PCDHA11: variants seen among roughly 807,000 people sequenced by gnomAD.
PCDHA11 encodes protocadherin alpha 11.
A neutral mutation model predicts 70.3 loss-of-function variants in PCDHA11; 61 were observed. That is an observed-to-expected ratio of 0.87 (90% CI 0.71 to 1.07). The LOEUF (loss-of-function observed/expected upper bound fraction) is 1.07, where lower values mean the gene tolerates loss of function less well. PCDHA11 is among the 50% of genes least tolerant of loss of function. PCDHA11 has a pLI of 0.00. For missense variants in PCDHA11, 1,324 were observed against 1,237.5 expected, an observed-to-expected ratio of 1.07 and a Z score of -1.05; for synonymous variants, 633 against 555.1, an observed-to-expected ratio of 1.14 and a Z score of -1.97.
chr5:140,969,201 G>A (rs2096306183), intron 1 of PCDHA11: 2 of 1,614,110 alleles, frequency 1.2e-6, no homozygotes, highest in Non-Finnish European at 1.7e-6. Context: ...TACAATACAG[G>A]GGCCCAGACA....
intron 1 of PCDHA11, among the ~76,000 whole-genome samples, chr5:140,972,883 C>T (rs1020544230): frequency 1.1e-4 from 16 of 151,884 alleles, no homozygotes; most frequent in African/African-American, 1.7e-4. Context: ...AGGATGGTCT[C>T]GATCTCTTGA....
chr5:140,952,081 A>G (rs1554220214), intron 1 of PCDHA11, among the ~76,000 whole-genome samples: 3 of 152,064 alleles, frequency 2.0e-5, no homozygotes. Flanking sequence ...CATTGACTCC[A>G]TGTCTCACAT....
chr5:140,882,070 CA>C, intron 1 of PCDHA11: 1 of 854,288 alleles, frequency 1.2e-6, no homozygotes, highest in Non-Finnish European at 1.8e-6. Flanking sequence ...CGTTCATGCG[CA>C]TGGTGTCGCT....
At chr5:140,872,878 C>G (rs1582101357) in intron 1 of PCDHA11, among the ~76,000 whole-genome samples, 1 of 152,160 alleles carries the variant, frequency 6.6e-6, no homozygotes, top group East Asian at 1.9e-4. Flanking sequence ...TTATCAGTTT[C>G]ATTCATCTCA....
intron 1 of PCDHA11, among the ~76,000 whole-genome samples, chr5:140,896,091 G>A (rs1353012571): frequency 2.0e-5 from 3 of 152,104 alleles, no homozygotes; most frequent in African/African-American, 2.4e-5. Flanking sequence ...GATTACAGGC[G>A]TGAGCCACTG....
chr5:140,918,423 G>A (rs1450010103), intron 1 of PCDHA11, among the ~76,000 whole-genome samples: 2 of 152,076 alleles, frequency 1.3e-5, no homozygotes, highest in Admixed American at 1.3e-4. Context: ...CTTCCAGTAG[G>A]ATGTTGAATA....
Position 141,011,514 on chromosome 5 carries a change from GT to G in PCDHA11, c.*1584del, listed in dbSNP as rs35545269. 2 of 153,738 alleles carry G rather than the reference GT, an allele frequency of 1.3e-5. No homozygotes were observed. The highest frequency in any genetic ancestry group is 1.9e-4 in the East Asian group (1 of 5,186). The allele number at this position is 153,738 out of a possible 1,614,324, so 9.5% of individuals were successfully genotyped here. ...TACACCTGTGAAAAAGTGGAGTAGTGTTTTTTTAACCATTGTTAATCAGCTT... is the reference window on the plus strand; with the variant it reads ...TACACCTGTGAAAAAGTGGAGTAGTGTTTTTTAACCATTGTTAATCAGCTT... On this transcript the variant is annotated 3_prime_UTR_variant, in exon 4 of 4. Coordinates refer to ENST00000398640, the MANE Select transcript of PCDHA11 (RefSeq NM_018902.5).
At chr5:140,883,667 A>G in intron 1 of PCDHA11, 1 of 1,613,568 alleles carries the variant, frequency 6.2e-7, no homozygotes. Context: ...CGTGAAGGAA[A>G]ACAATCCGCC....
chr5:140,941,185 C>CTTT (rs782102770), intron 1 of PCDHA11, among the ~76,000 whole-genome samples: 77 of 102,238 alleles, frequency 7.5e-4, no homozygotes, highest in Admixed American at 3.0e-3. Flanking sequence ...CATCCTGCTT[C>CTTT]TTTTTTTTTC....
intron 1 of PCDHA11, among the ~76,000 whole-genome samples, chr5:140,915,296 A>G (rs556254508): frequency 6.6e-6 from 1 of 152,086 alleles, no homozygotes; most frequent in East Asian, 1.9e-4. Flanking sequence ...TCTACTTAAG[A>G]TAAGTTTACA....
intron 1 of PCDHA11, among the ~76,000 whole-genome samples, chr5:140,917,003 A>C (rs2077823052): frequency 6.6e-6 from 1 of 151,818 alleles, no homozygotes; most frequent in Non-Finnish European, 1.5e-5. Flanking sequence ...CTGTTCCAAA[A>C]TCTCCCTTCA....
At chr5:140,880,687 C>G (rs999356626) in intron 1 of PCDHA11, among the ~76,000 whole-genome samples, 1 of 152,130 alleles carries the variant, frequency 6.6e-6, no homozygotes, top group Non-Finnish European at 1.5e-5. Context: ...AGAGAATAGT[C>G]ATGGTTAAGT....
Position 140,870,192 on chromosome 5 carries a change from G to T in PCDHA11, c.1089G>T (p.Gln363His). 6 of 1,614,158 alleles carry T rather than the reference G, an allele frequency of 3.7e-6. No homozygotes were observed. Among genetic ancestry groups the T allele is most frequent in the Non-Finnish European group, 5.1e-6 (6 of 1,180,034 alleles). ...CCCTCCCAGTACGAGAGGACGCTCAGCCCAGCACGGTCATTGCCCTGATCA... is the reference window on the plus strand; with the variant it reads ...CCCTCCCAGTACGAGAGGACGCTCATCCCAGCACGGTCATTGCCCTGATCA... ...SLSLPVREDA[Q>H]PSTVIALISV... is the part of the protein sequence containing the mutation. Residue 363 changes from glutamine to histidine, a missense_variant, in exon 1 of 4, where the codon CAG becomes CAT. Physicochemically the swap from Gln to His is conservative, Grantham distance 24 (BLOSUM62 0). Coordinates refer to ENST00000398640, the MANE Select transcript of PCDHA11 (RefSeq NM_018902.5).
chr5:140,978,865 A>G, intron 1 of PCDHA11, 84 bp from the exon 2 acceptor site: 1 of 1,602,026 alleles, frequency 6.2e-7, no homozygotes, highest in South Asian at 1.1e-5. Flanking sequence ...GAAATATTTA[A>G]GGGAGTAACT....
In PCDHA11 at chr5:140,927,655, G is replaced by C. The variant is rs782653279; in HGVS notation, c.2392-51294G>C. On this transcript the variant is annotated intron_variant, in intron 1 of 3. Transcript: ENST00000398640. Reference sequence around the variant, plus strand: ...ACCCAATGGGACTGTGTTATTCCGAGTTCAAGCCTTGGATCCAGATGAAGG... The same window carrying C: ...ACCCAATGGGACTGTGTTATTCCGACTTCAAGCCTTGGATCCAGATGAAGG... The C allele has an allele frequency of 1.2e-5, 20 of 1,614,130 alleles. No individual in the cohort carries two copies. In the Admixed American group the frequency reaches 2.3e-4, roughly 19 times the overall value.
At chr5:140,928,332 C>T in intron 1 of PCDHA11, 1 of 1,614,182 alleles carries the variant, frequency 6.2e-7, no homozygotes, top group Non-Finnish European at 8.5e-7. Context: ...ATGGCCTTGT[C>T]TCTTATGAGC....
At chr5:140,959,428 A>AT (rs2095488424) in intron 1 of PCDHA11, among the ~76,000 whole-genome samples, 1 of 152,102 alleles carries the variant, frequency 6.6e-6, no homozygotes, top group Non-Finnish European at 1.5e-5. Context: ...GAATTTGTGT[A>AT]TTTTTTTCTA....
chr5:140,891,468 T>C (rs1459925727), intron 1 of PCDHA11, among the ~76,000 whole-genome samples: 1 of 151,582 alleles, frequency 6.6e-6, no homozygotes, highest in Non-Finnish European at 1.5e-5. Context: ...TGTGAATTAA[T>C]GCCTTTACAT....
At chr5:141,004,255 G>T (rs782648685) in intron 3 of PCDHA11, among the ~76,000 whole-genome samples, 2 of 152,190 alleles carry the variant, frequency 1.3e-5, no homozygotes, top group Non-Finnish European at 2.9e-5. Flanking sequence ...TTGTTTTACT[G>T]GAATGAGTCA....
Sources: gnomAD v4.1 joint callset for allele counts (sites outside exome capture counted in the v4.1 genomes callset) on GRCh38, gnomAD v4.1.1 for gene constraint, MANE v1.5 for transcripts, NCBI Gene and HGNC (gene_info 2026-07-23, HGNC 2026-07-21) for gene names.